The following IL12A variants were observed in gnomAD, a reference collection of about 807,000 sequenced individuals.
IL12A encodes the protein interleukin-12 subunit alpha.
In IL12A, 16 loss-of-function variants were observed where a neutral mutation model predicts 23.5. The observed-to-expected ratio is 0.68, with a 90% CI of 0.46 to 1.03. The LOEUF (loss-of-function observed/expected upper bound fraction) is 1.03. Ranked by LOEUF, IL12A falls within the 50% of genes least tolerant of loss-of-function variation. The pLI is 0.00. For synonymous variants in IL12A, 106 were observed against 111.5 expected, an observed-to-expected ratio of 0.95 and a Z score of 0.31; for missense variants, 275 against 307.0, an observed-to-expected ratio of 0.90 and a Z score of 0.78.
intron 1 of IL12A, 44 bp from the exon 2 acceptor site, chr3:159,990,123 G>A (rs1258723776): frequency 1.2e-6 from 2 of 1,603,764 alleles, no homozygotes; most frequent in Non-Finnish European, 1.7e-6. Context: ...GTGCAGGCAG[G>A]CCATCCAGGC....
chr3:159,994,885 C>T lies in IL12A; in HGVS notation c.607-519C>T, dbSNP rs115260376. Among the ~76,000 whole-genome samples, 772 of 152,230 alleles carry T rather than the reference C, an allele frequency of 5.1e-3. 10 individuals carry two copies. Among genetic ancestry groups the T allele is most frequent in the African/African-American group, 0.018 (728 of 41,528 alleles). ...TGAGGAAGATATGAAAGTATTTATT[C>T]ATCAAGGGTGCAAATGTAAGGTTTT... On this transcript the variant is annotated intron_variant, in intron 6 of 6. Transcript: ENST00000305579.
At chr3:159,990,135 G>A (rs1720247493) in intron 1 of IL12A, 32 bp from the exon 2 acceptor site, 6 of 1,610,794 alleles carry the variant, frequency 3.7e-6, no homozygotes, top group Non-Finnish European at 5.1e-6. Context: ...CATCCAGGCT[G>A]AAGCTCCTCC....
Position 159,993,048 on chromosome 3 carries a change from G to A in IL12A, c.301G>A (p.Glu101Lys). The A allele has an allele frequency of 6.2e-7, 1 of 1,609,666 alleles. No individual in the cohort carries two copies. The highest frequency in any genetic ancestry group is 8.5e-7 in the Non-Finnish European group (1 of 1,175,986). The stretch of plus-strand genomic sequence containing the variant: ...TCTAGAATTTTACCCTTGCACTTCT[G>A]AAGAGATTGATCATGAAGATATCAC... Residue 101 changes from glutamate (E) to lysine (K), a missense_variant, in exon 3 of 7, where the codon GAA (glutamate) becomes AAA (lysine). Coordinates refer to ENST00000305579, the MANE Select transcript of IL12A (RefSeq NM_000882.4).
rs761130017 is a variant in IL12A at position 159,993,564 on chromosome 3, C to A, written c.421-4C>A. On this transcript the variant is annotated splice_polypyrimidine_tract_variant and splice_region_variant and intron_variant, in intron 4 of 6. Transcript: ENST00000305579. ...CACTGATGTCTGATTATTTTTTCCT[C>A]TAGAATGGGAGTTGCCTGGCCTCCA... 5 of 1,613,906 alleles carry A rather than the reference C, an allele frequency of 3.1e-6. No homozygotes were observed. In the African/African-American group the frequency reaches 5.3e-5, roughly 17 times the overall value.
chr3:159,993,894 C>A (rs751154856), intron 6 of IL12A, 50 bp downstream of exon 6: 5 of 1,585,238 alleles, frequency 3.2e-6, no homozygotes, highest in Non-Finnish European at 4.3e-6. Flanking sequence ...CTAAAGATAA[C>A]CAGCCAGGGT....
chr3:159,989,984 T>G (rs1355074073), intron 1 of IL12A, among the ~76,000 whole-genome samples, 183 bp from the exon 2 acceptor site: 2 of 152,154 alleles, frequency 1.3e-5, no homozygotes, highest in African/African-American at 4.8e-5. Context: ...AGCCCTAGAA[T>G]AGAGTGGCGC....
In IL12A at chr3:159,993,550, G is replaced by A. The variant is rs1265400354; in HGVS notation, c.421-18G>A. The A allele has an allele frequency of 1.9e-6, 3 of 1,613,944 alleles. No homozygotes were observed. Among genetic ancestry groups the A allele is most frequent in the Non-Finnish European group, 2.5e-6 (3 of 1,179,964 alleles). ...TGATGAATTCATATCACTGATGTCT[G>A]ATTATTTTTTCCTCTAGAATGGGAG... On this transcript the variant is annotated intron_variant, in intron 4 of 6. Transcript: ENST00000305579.
Position 159,988,987 on chromosome 3 carries a change from C to A in IL12A, c.-70C>A. 1 of 1,245,858 alleles carries A rather than the reference C, an allele frequency of 8.0e-7. No individual in the cohort carries two copies. The highest frequency in any genetic ancestry group is 1.2e-6 in the Non-Finnish European group (1 of 845,880). 77.2% of individuals were successfully genotyped at this position (1,245,858 alleles called of 1,614,324 possible). A position where few individuals can be genotyped will look rare whatever the true frequency, so the allele number is the denominator to read the frequency against. On this transcript the variant is annotated 5_prime_UTR_variant, in exon 1 of 7. Coordinates refer to ENST00000305579, the MANE Select transcript of IL12A (RefSeq NM_000882.4). ...CGAGAAGCTGATGTAGAGAGAGACA[C>A]AGAAGGAGACAGAAAGCAAGAGACC...
At chr3:159,989,772 G>A (rs748973206) in intron 1 of IL12A, among the ~76,000 whole-genome samples, 1 of 152,156 alleles carries the variant, frequency 6.6e-6, no homozygotes, top group African/African-American at 2.4e-5. Flanking sequence ...CACAGAGTGA[G>A]ACTCCGTCTT....
chr3:159,993,018 C>T lies in IL12A; in HGVS notation c.271C>T (p.Gln91Ter). 3 of 1,578,178 alleles carry T rather than the reference C, an allele frequency of 1.9e-6. No homozygotes were observed. The highest frequency in any genetic ancestry group is 2.6e-6 in the Non-Finnish European group (3 of 1,148,238). ...TCTCCTTCATTTTTTATAGGCCAGA[C>T]AAACTCTAGAATTTTACCCTTGCAC... The change falls in exon 3 of 7, where the codon CAA becomes TAA. Residue 91 changes from glutamine (Q) to a stop codon, truncating the protein, a stop_gained. Transcript: ENST00000305579. LOFTEE classifies it high-confidence loss of function.
chr3:159,989,133 C>G lies in IL12A; in HGVS notation c.77C>G (p.Pro26Arg), dbSNP rs1244727928. ...ACAGGTCTGCATCCAGCGGCTCGCC[C>G]TGTGTCCCTGCAGTGCCGGCTCAGC... Residue 26 changes from proline (P) to arginine (R), a missense_variant, in exon 1 of 7, where the codon CCT (proline) becomes CGT (arginine). Transcript: ENST00000305579. The G allele has an allele frequency of 2.5e-6, 4 of 1,612,346 alleles. No homozygotes were observed. Among genetic ancestry groups the G allele is most frequent in the Non-Finnish European group, 3.4e-6 (4 of 1,179,654 alleles).
Position 159,995,449 on chromosome 3 carries a change from G to A in IL12A, c.652G>A (p.Glu218Lys), listed in dbSNP as rs765079198. 1 of 1,607,842 alleles carries A rather than the reference G, an allele frequency of 6.2e-7. No individual in the cohort carries two copies. Among genetic ancestry groups the A allele is most frequent in the Non-Finnish European group, 8.5e-7 (1 of 1,177,628 alleles). ...GACTGTGCCACAAAAATCCTCCCTT[G>A]AAGAACCGGATTTTTATAAAACTAA... The change falls in exon 7 of 7, where the codon GAA (glutamate) becomes AAA (lysine). Residue 218 changes from glutamate (E) to lysine (K), a missense_variant. Coordinates refer to ENST00000305579, the MANE Select transcript of IL12A (RefSeq NM_000882.4).
Position 159,990,280 on chromosome 3 carries a change from C to G in IL12A, c.232C>G (p.Leu78Val), listed in dbSNP as rs139289992. The G allele has an allele frequency of 1.9e-6, 3 of 1,614,062 alleles. No individual in the cohort carries two copies. In the African/African-American group the frequency reaches 4.0e-5, roughly 22 times the overall value. ...CCCATGCCTTCACCACTCCCAAAAC[C>G]TGCTGAGGGCCGTCAGCAACATGCT... Residue 78 changes from leucine (L) to valine (V), a missense_variant, in exon 2 of 7, where the codon CTG (leucine) becomes GTG (valine). Physicochemically the swap from Leu to Val is conservative, Grantham distance 32. Transcript: ENST00000305579.
chr3:159,989,442 C>G, intron 1 of IL12A: 2 of 523,186 alleles, frequency 3.8e-6, no homozygotes, highest in Admixed American at 3.7e-5. Flanking sequence ...GCTTTCCTGC[C>G]TAGGGTCCCT....
Position 159,989,071 on chromosome 3 carries a change from G to A in IL12A, c.15G>A (p.Gly5=), listed in dbSNP as rs752282021. ...CAATTATAAAAATGTGGCCCCCTGGGTCAGCCTCCCAGCCACCGCCCTCAC... is the reference window on the plus strand; with the variant it reads ...CAATTATAAAAATGTGGCCCCCTGGATCAGCCTCCCAGCCACCGCCCTCAC... The change falls in exon 1 of 7, where the codon GGG becomes GGA. Residue 5 remains glycine (G), a synonymous_variant. Coordinates refer to ENST00000305579, the MANE Select transcript of IL12A (RefSeq NM_000882.4). 2 of 1,613,304 alleles carry A rather than the reference G, an allele frequency of 1.2e-6. No homozygotes were observed. Among genetic ancestry groups the A allele is most frequent in the Non-Finnish European group, 1.7e-6 (2 of 1,179,832 alleles).
intron 2 of IL12A, among the ~76,000 whole-genome samples, chr3:159,990,864 CT>C (rs1205793995): frequency 6.6e-6 from 1 of 152,144 alleles, no homozygotes; most frequent in Non-Finnish European, 1.5e-5. Context: ...CAGCTTCGTT[CT>C]TTTAGGTTTC....
intron 2 of IL12A, among the ~76,000 whole-genome samples, chr3:159,990,660 G>A (rs1005524784): frequency 3.9e-5 from 6 of 152,120 alleles, no homozygotes; most frequent in South Asian, 2.1e-4. Context: ...GATCAATCCC[G>A]GAAATAGTTA....
intron 1 of IL12A, 45 bp from the exon 2 acceptor site, chr3:159,990,122 G>A (rs1227628223): frequency 1.2e-6 from 2 of 1,603,182 alleles, no homozygotes. Context: ...GGTGCAGGCA[G>A]GCCATCCAGG....
Position 159,993,576 on chromosome 3 carries a change from T to C in IL12A, c.429T>C (p.Ser143=). ...ATTATTTTTTCCTCTAGAATGGGAG[T>C]TGCCTGGCCTCCAGAAAGACCTCTT... The change falls in exon 5 of 7, where the codon AGT becomes AGC. Residue 143 remains serine, a synonymous_variant. Transcript: ENST00000305579. 1 of 1,614,064 alleles carries C rather than the reference T, an allele frequency of 6.2e-7. No individual in the cohort carries two copies. The highest frequency in any genetic ancestry group is 1.3e-5 in the African/African-American group (1 of 75,008).
Sources: gnomAD v4.1 joint callset for allele counts (sites outside exome capture counted in the v4.1 genomes callset) on GRCh38, gnomAD v4.1.1 for gene constraint, MANE v1.5 for transcripts, NCBI Gene and HGNC (gene_info 2026-07-23, HGNC 2026-07-21) for gene names.